The following MAN2A1 variants were observed in gnomAD, a reference collection of about 807,000 sequenced individuals.
MAN2A1 encodes the protein mannosidase alpha class 2A member 1, also known as alpha-mannosidase 2.
A neutral mutation model predicts 142.6 loss-of-function variants in MAN2A1; 76 were observed. The observed-to-expected ratio is 0.53, with a 90% CI of 0.44 to 0.65. The LOEUF (loss-of-function observed/expected upper bound fraction) is 0.65, where lower values mean the gene tolerates loss of function less well. Ranked by LOEUF, MAN2A1 falls within the 30% of genes least tolerant of loss-of-function variation. The pLI is 0.00. For missense variants in MAN2A1, 1,311 were observed against 1,365.1 expected (o/e 0.96, Z 0.62); for synonymous variants, 559 against 473.2 (o/e 1.18, Z -2.35).
At chr5:109,788,665 T>G (rs1753660010) in intron 10 of MAN2A1, among the ~76,000 whole-genome samples, 1 of 151,844 alleles carries the variant, frequency 6.6e-6, no homozygotes, top group South Asian at 2.1e-4. Flanking sequence ...TGGTGCGATA[T>G]TCATAGAAAG....
chr5:109,717,945 C>T (rs946233930), intron 3 of MAN2A1, among the ~76,000 whole-genome samples: 4 of 152,176 alleles, frequency 2.6e-5, no homozygotes, highest in Non-Finnish European at 5.9e-5. Context: ...TCTTTGATTA[C>T]TAGACTCACA....
At position 109,845,008 on chromosome 5, in the gene MAN2A1, T is replaced by G. The variant is rs538917398; in HGVS notation, c.2701-857T>G. Among the ~76,000 whole-genome samples the G allele has an allele frequency of 1.1e-4, 17 of 152,296 alleles. No individual in the cohort carries two copies. The South Asian group carries it at 3.3e-3, about 30-fold the overall frequency. The stretch of plus-strand genomic sequence containing the variant: ...GACATTGCAGGGTTGCTGGGAAGAT[T>G]AAAGATCACATTTGTGAAATACTCC... On this transcript the variant is annotated intron_variant, in intron 17 of 21. Transcript: ENST00000261483.
chr5:109,820,438 G>T, intron 15 of MAN2A1, 96 bp downstream of exon 15: 1 of 1,211,768 alleles, frequency 8.3e-7, no homozygotes, highest in Non-Finnish European at 1.2e-6. Context: ...ATCATCTGTT[G>T]ATTTATTAGG....
At chr5:109,760,444 A>G (rs765018575) in intron 5 of MAN2A1, among the ~76,000 whole-genome samples, 1 of 152,202 alleles carries the variant, frequency 6.6e-6, no homozygotes, top group Non-Finnish European at 1.5e-5. Flanking sequence ...CAATAAACAT[A>G]CATGTGCATG....
At chr5:109,709,568 A>C (rs1358773921) in intron 1 of MAN2A1, among the ~76,000 whole-genome samples, 1 of 152,206 alleles carries the variant, frequency 6.6e-6, no homozygotes, top group Non-Finnish European at 1.5e-5. Context: ...GAGGCAAATA[A>C]TTATGTAATA....
At chr5:109,795,644 A>G (rs1753838801) in intron 12 of MAN2A1, among the ~76,000 whole-genome samples, 1 of 152,200 alleles carries the variant, frequency 6.6e-6, no homozygotes, top group Non-Finnish European at 1.5e-5. Flanking sequence ...AATAAAAGCA[A>G]CCTGCATGTC....
At chr5:109,850,283 C>G (rs989919781) in intron 19 of MAN2A1, among the ~76,000 whole-genome samples, 1 of 152,132 alleles carries the variant, frequency 6.6e-6, no homozygotes, top group African/African-American at 2.4e-5. Context: ...GTATTTATTG[C>G]AATTTCTGCC....
intron 1 of MAN2A1, among the ~76,000 whole-genome samples, chr5:109,701,204 C>T (rs551441350): frequency 1.3e-5 from 2 of 152,232 alleles, no homozygotes; most frequent in South Asian, 4.1e-4. Context: ...AACTCAAAAA[C>T]AGAAACAAGT....
chr5:109,768,846 C>T (rs2112648234), intron 6 of MAN2A1, among the ~76,000 whole-genome samples: 1 of 152,162 alleles, frequency 6.6e-6, no homozygotes, highest in South Asian at 2.1e-4. Context: ...ATTTGAAAAA[C>T]AAAGAATTTG....
intron 15 of MAN2A1, among the ~76,000 whole-genome samples, chr5:109,822,529 C>T (rs1754653341): frequency 6.6e-6 from 1 of 152,184 alleles, no homozygotes; most frequent in South Asian, 2.1e-4. Context: ...CAGAACTCAT[C>T]ATCCCAGGTT....
intron 3 of MAN2A1, among the ~76,000 whole-genome samples, chr5:109,721,094 A>G (rs1485826559): frequency 2.0e-5 from 3 of 152,156 alleles, no homozygotes; most frequent in Non-Finnish European, 4.4e-5. Context: ...TAACCCTGAA[A>G]AGTGGTAAAT....
chr5:109,790,998 ATGTAG>A (rs1158439560), intron 12 of MAN2A1, among the ~76,000 whole-genome samples: 1 of 152,108 alleles, frequency 6.6e-6, no homozygotes, highest in Non-Finnish European at 1.5e-5. Context: ...AAGTTAGGAA[ATGTAG>A]TATATTAATG....
At chr5:109,866,043 T>C (rs746808034) in intron 21 of MAN2A1, among the ~76,000 whole-genome samples, 4 of 152,184 alleles carry the variant, frequency 2.6e-5, no homozygotes, top group African/African-American at 4.8e-5. Flanking sequence ...TCCAAAAAGA[T>C]AAGAAAAATG....
chr5:109,692,735 C>T (rs76675919), intron 1 of MAN2A1, among the ~76,000 whole-genome samples: 2 of 145,396 alleles, frequency 1.4e-5, no homozygotes, highest in Non-Finnish European at 3.0e-5. Flanking sequence ...CAGTGATCCT[C>T]AACCTTTTTG....
intron 15 of MAN2A1, among the ~76,000 whole-genome samples, chr5:109,820,942 C>G (rs904514728): frequency 6.6e-6 from 1 of 152,188 alleles, no homozygotes; most frequent in Admixed American, 6.5e-5. Context: ...TATACAGACA[C>G]AAAACCTCTA....
intron 16 of MAN2A1, among the ~76,000 whole-genome samples, chr5:109,837,962 A>T (rs1297947270): frequency 1.3e-5 from 2 of 152,060 alleles, no homozygotes; most frequent in Admixed American, 1.3e-4. Flanking sequence ...GTGATTCAGT[A>T]CTTACCATGT....
rs964094160 is a variant in MAN2A1, at chr5:109,716,251, C to A, written c.522C>A (p.Ser174=). The change falls in exon 3 of 22, where the codon TCC becomes TCA. Residue 174 remains serine (S), a synonymous_variant. Transcript: ENST00000261483. ...TTCAAGTCTTTGTGGTGCCTCATTCCCATAACGACCCAGGTAAAATTTGCA... is the reference window on the plus strand; with the variant it reads ...TTCAAGTCTTTGTGGTGCCTCATTCACATAACGACCCAGGTAAAATTTGCA... ...EPLQVFVVPH[S]HNDPGWLKTF... The A allele has an allele frequency of 3.1e-6, 5 of 1,598,640 alleles. No individual in the cohort carries two copies. In the African/African-American group the frequency reaches 5.4e-5, roughly 17 times the overall value.
chr5:109,812,320 T>A (rs183998751), intron 12 of MAN2A1, among the ~76,000 whole-genome samples: 6 of 152,246 alleles, frequency 3.9e-5, no homozygotes, highest in Admixed American at 2.0e-4. Context: ...ATCACACAAT[T>A]GTGATTTTTG....
chr5:109,826,092 G>C (rs1489312502), intron 16 of MAN2A1, among the ~76,000 whole-genome samples: 1 of 151,442 alleles, frequency 6.6e-6, no homozygotes, highest in Non-Finnish European at 1.5e-5. Context: ...TTTTAGTAGG[G>C]ATGGGGTTTC....
Sources: gnomAD v4.1 joint callset for allele counts (sites outside exome capture counted in the v4.1 genomes callset) on GRCh38, gnomAD v4.1.1 for gene constraint, MANE v1.5 for transcripts, NCBI Gene and HGNC (gene_info 2026-07-23, HGNC 2026-07-21) for gene names.